DOCK1: variants seen among roughly 807,000 people sequenced by gnomAD.
DOCK1 encodes dedicator of cytokinesis protein 1.
Under a neutral mutation model 262.7 loss-of-function variants are expected in DOCK1, and 138 were observed. The observed-to-expected ratio is 0.53, with a 90% CI of 0.46 to 0.61. DOCK1 has a LOEUF of 0.61. Among genes scored for constraint, DOCK1 ranks in the 20% least tolerant of loss-of-function variants. The probability of loss-of-function intolerance (pLI) is 0.00; values close to 1 mark genes in which losing one functional copy is unlikely to be tolerated. For synonymous variants in DOCK1, 866 were observed against 867.4 expected (o/e 1.00, Z 0.03); for missense variants, 1,908 against 2,370.7 (o/e 0.80, Z 4.05).
intron 23 of DOCK1, among the ~76,000 whole-genome samples, chr10:127,068,792 C>T (rs191583080): frequency 6.6e-6 from 1 of 152,172 alleles, no homozygotes; most frequent in East Asian, 1.9e-4. Flanking sequence ...TATAAATTCT[C>T]ATGTGTATAC....
intron 29 of DOCK1, among the ~76,000 whole-genome samples, chr10:127,309,037 A>G (rs1299707992): frequency 6.6e-6 from 1 of 152,168 alleles, no homozygotes; most frequent in Admixed American, 6.5e-5. Flanking sequence ...GGTTGAACAA[A>G]TTTATATTCC....
chr10:127,082,285 G>T (rs138479429), intron 23 of DOCK1, among the ~76,000 whole-genome samples: 1 of 152,246 alleles, frequency 6.6e-6, no homozygotes. Flanking sequence ...ATTGGTGTCT[G>T]CCCGGGTCTG....
At position 127,037,939 on chromosome 10, in the gene DOCK1, A is replaced by C. The variant is rs912034317; in HGVS notation, c.2010+123A>C. On this transcript the variant is annotated intron_variant, in intron 19 of 51. Transcript: ENST00000623213. ...ATTGTGGTTATACTCCCTTTAAAAA[A>C]TAGTGACATAGGGATTGGGTGCGGT... 19 of 809,214 alleles carry C rather than the reference A, an allele frequency of 2.3e-5. No individual in the cohort carries two copies. The East Asian group carries it at 5.2e-4, about 22-fold the overall frequency. 50.1% of individuals were successfully genotyped at this position (809,214 alleles called of 1,614,324 possible).
chr10:126,986,423 T>C (rs2039390925), intron 4 of DOCK1, among the ~76,000 whole-genome samples: 1 of 152,180 alleles, frequency 6.6e-6, no homozygotes, highest in Non-Finnish European at 1.5e-5. Context: ...GCTGGCCACA[T>C]TCTTGCCTGT....
At chr10:126,915,728 G>A (rs1010291516) in intron 1 of DOCK1, among the ~76,000 whole-genome samples, 1 of 152,182 alleles carries the variant, frequency 6.6e-6, no homozygotes, top group Non-Finnish European at 1.5e-5. Context: ...TGGGATTACA[G>A]GCGTGAGCCA....
At chr10:127,388,395 G>A (rs1409089749) in intron 38 of DOCK1, among the ~76,000 whole-genome samples, 1 of 152,180 alleles carries the variant, frequency 6.6e-6, no homozygotes, top group African/African-American at 2.4e-5. Flanking sequence ...TAAAACTAAA[G>A]TAAGATGAAG....
chr10:126,947,328 G>C (rs1021838922), intron 1 of DOCK1, among the ~76,000 whole-genome samples: 1 of 149,888 alleles, frequency 6.7e-6, no homozygotes, highest in Non-Finnish European at 1.5e-5. Context: ...GTGGTGGTTG[G>C]TAGTATTACT....
At chr10:127,314,259 C>T (rs1445179549) in intron 29 of DOCK1, among the ~76,000 whole-genome samples, 1 of 152,142 alleles carries the variant, frequency 6.6e-6, no homozygotes. Flanking sequence ...TAGCACTGGG[C>T]AGGAGTGTGT....
Position 127,433,198 on chromosome 10 carries a change from A to G in DOCK1, c.4915-85A>G, listed in dbSNP as rs762821987. ...AACGATGATGGTCTCGATTCCACAC[A>G]GCTAAGGCCACTTTATCTCAGGAGT... On this transcript the variant is annotated intron_variant, in intron 47 of 51. Coordinates refer to ENST00000623213, the MANE Select transcript of DOCK1 (RefSeq NM_001290223.2). 19 of 1,561,280 alleles carry G rather than the reference A, an allele frequency of 1.2e-5. No individual in the cohort carries two copies. The South Asian group carries it at 1.8e-4, about 15-fold the overall frequency.
chr10:127,019,068 G>T, intron 13 of DOCK1: 1 of 560,598 alleles, frequency 1.8e-6, no homozygotes, highest in Non-Finnish European at 3.0e-6. Flanking sequence ...CAGCTGCAAG[G>T]ATTGTGTGAG....
At chr10:127,039,319 A>G (rs1017371719) in intron 19 of DOCK1, among the ~76,000 whole-genome samples, 1 of 152,204 alleles carries the variant, frequency 6.6e-6, no homozygotes, top group Admixed American at 6.5e-5. Flanking sequence ...AGAAGAATCC[A>G]GTTAATGAAA....
chr10:127,283,428 C>T (rs1259980489), intron 29 of DOCK1, among the ~76,000 whole-genome samples: 1 of 152,234 alleles, frequency 6.6e-6, no homozygotes, highest in Non-Finnish European at 1.5e-5. Flanking sequence ...TCTGATCCAA[C>T]TCACATGCCA....
intron 29 of DOCK1, among the ~76,000 whole-genome samples, chr10:127,291,947 G>A (rs2135372281): frequency 6.6e-6 from 1 of 152,294 alleles, no homozygotes; most frequent in African/African-American, 2.4e-5. Flanking sequence ...CTGACCCAGG[G>A]TCGCAAGCCA....
intron 23 of DOCK1, among the ~76,000 whole-genome samples, chr10:127,075,736 G>T (rs753446123): frequency 3.3e-5 from 5 of 152,070 alleles, no homozygotes; most frequent in Admixed American, 6.6e-5. Flanking sequence ...GAACGGCAAG[G>T]GGGAGGTCTG....
intron 12 of DOCK1, among the ~76,000 whole-genome samples, chr10:127,017,113 GAT>G (rs879580331): frequency 1.8e-5 from 1 of 57,102 alleles, no homozygotes; most frequent in Admixed American, 1.9e-4. Flanking sequence ...ACCAACACAT[GAT>G]ACACCATAAA....
At chr10:127,262,393 A>G (rs1051928316) in intron 29 of DOCK1, among the ~76,000 whole-genome samples, 3 of 152,184 alleles carry the variant, frequency 2.0e-5, no homozygotes, top group African/African-American at 7.2e-5. Context: ...TGACACATTC[A>G]GCAGAAACAA....
intron 29 of DOCK1, among the ~76,000 whole-genome samples, chr10:127,276,859 T>G (rs1318364373): frequency 2.9e-5 from 4 of 135,620 alleles, no homozygotes; most frequent in African/African-American, 1.0e-4. Context: ...ATGGGCCATT[T>G]CCTATTGCTG....
intron 1 of DOCK1, among the ~76,000 whole-genome samples, chr10:126,960,409 G>A (rs983656938): frequency 5.1e-4 from 78 of 151,680 alleles, no homozygotes; most frequent in African/African-American, 1.3e-3. Flanking sequence ...TGACAGGCAC[G>A]GACAGCAGTG....
chr10:127,285,067 G>A (rs866333242), intron 29 of DOCK1, among the ~76,000 whole-genome samples: 11 of 151,864 alleles, frequency 7.2e-5, no homozygotes, highest in Non-Finnish European at 2.9e-5. Context: ...GAGCCCAGGA[G>A]GTCGAGGCTG....
Sources: gnomAD v4.1 joint callset for allele counts (sites outside exome capture counted in the v4.1 genomes callset) on GRCh38, gnomAD v4.1.1 for gene constraint, MANE v1.5 for transcripts, NCBI Gene and HGNC (gene_info 2026-07-23, HGNC 2026-07-21) for gene names.